Variants in SPON1 observed in about 807,000 individuals in gnomAD.
The protein encoded by SPON1 is spondin-1.
SPON1 carries 52 observed loss-of-function variants against 111.7 expected under a neutral mutation model. The observed-to-expected ratio is 0.47, with a 90% CI of 0.37 to 0.59. The LOEUF (loss-of-function observed/expected upper bound fraction) is 0.59. Among genes scored for constraint, SPON1 ranks in the 20% least tolerant of loss-of-function variants. SPON1 has a pLI of 0.00. For synonymous variants in SPON1, 410 were observed against 395.8 expected, an observed-to-expected ratio of 1.04 and a Z score of -0.43; for missense variants, 957 against 1,068.5, an observed-to-expected ratio of 0.90 and a Z score of 1.46.
intron 2 of SPON1, among the ~76,000 whole-genome samples, chr11:13,988,349 CTGTT>C (rs1198346774): frequency 4.6e-5 from 7 of 152,090 alleles, no homozygotes; most frequent in African/African-American, 1.4e-4. Context: ...ATTTGGCTCT[CTGTT>C]TGTCTGTTAT....
rs782021061 is a variant in SPON1 at position 14,074,564 on chromosome 11, C to T, written c.480-781C>T. On this transcript the variant is annotated intron_variant, in intron 3 of 15. Coordinates refer to ENST00000576479, the MANE Select transcript of SPON1 (RefSeq NM_006108.4). Reference sequence around the variant, plus strand: ...CAGTAGAAGTGGTCCAAGATCCTTTCGCATTGTCTCAGTTCTAAATGTTGT... The same window carrying T: ...CAGTAGAAGTGGTCCAAGATCCTTTTGCATTGTCTCAGTTCTAAATGTTGT... Among the ~76,000 whole-genome samples, 15 of 152,304 alleles carry T rather than the reference C, an allele frequency of 9.8e-5. No individual in the cohort carries two copies. The South Asian group carries it at 1.0e-3, about 11-fold the overall frequency.
At chr11:14,000,179 C>T (rs1450790370) in intron 2 of SPON1, among the ~76,000 whole-genome samples, 1 of 152,114 alleles carries the variant, frequency 6.6e-6, no homozygotes, top group Non-Finnish European at 1.5e-5. Flanking sequence ...GTCTGTCTCC[C>T]TAGGCATGGA....
intron 2 of SPON1, among the ~76,000 whole-genome samples, chr11:14,040,840 C>G (rs1188167406): frequency 1.1e-4 from 16 of 151,992 alleles, no homozygotes; most frequent in Non-Finnish European, 1.0e-4. Context: ...AAGATCCTTT[C>G]AGGTCTAATA....
At chr11:14,042,819 T>G (rs782684930) in intron 3 of SPON1, among the ~76,000 whole-genome samples, 1 of 152,218 alleles carries the variant, frequency 6.6e-6, no homozygotes, top group African/African-American at 2.4e-5. Context: ...TCCACTGTGC[T>G]TGGCTTATGG....
intron 15 of SPON1, among the ~76,000 whole-genome samples, chr11:14,264,927 A>G (rs937210695): frequency 8.5e-5 from 13 of 152,180 alleles, no homozygotes; most frequent in Non-Finnish European, 1.0e-4. Context: ...GCATAAGAGA[A>G]AGTGGTTTAG....
chr11:13,963,011 A>G lies in SPON1; in HGVS notation c.107A>G (p.Lys36Arg), dbSNP rs376796504. 1 of 1,593,200 alleles carries G rather than the reference A, an allele frequency of 6.3e-7. No homozygotes were observed. Among genetic ancestry groups the G allele is most frequent in the Admixed American group, 1.7e-5 (1 of 57,970 alleles). Residue 36 changes from lysine (K) to arginine (R), a missense_variant, in exon 1 of 16, where the codon AAA becomes AGA. Physicochemically the swap from Lys to Arg is conservative, Grantham distance 26. Transcript: ENST00000576479. ...ALAFSDETLD[K>R]VPKSEGYCSR... ...GCCTTCTCCGACGAGACCCTGGACAAAGTGCCCAAGTCAGAGGGCTACTGC... is the reference window on the plus strand; with the variant it reads ...GCCTTCTCCGACGAGACCCTGGACAGAGTGCCCAAGTCAGAGGGCTACTGC...
chr11:14,106,242 C>T (rs1252561534), intron 5 of SPON1, among the ~76,000 whole-genome samples: 1 of 152,080 alleles, frequency 6.6e-6, no homozygotes, highest in African/African-American at 2.4e-5. Context: ...GCTGTGATTC[C>T]AAGAAATGCA....
intron 2 of SPON1, among the ~76,000 whole-genome samples, chr11:13,994,856 G>A (rs1180743805): frequency 6.6e-6 from 1 of 152,122 alleles, no homozygotes; most frequent in African/African-American, 2.4e-5. Flanking sequence ...ACAGGATTTT[G>A]ATTTTCTTAT....
intron 7 of SPON1, 91 bp from the exon 8 acceptor site, chr11:14,254,437 C>A: frequency 8.5e-7 from 1 of 1,173,194 alleles, no homozygotes. Flanking sequence ...CTCTCTGTCC[C>A]TCTCATTCTT....
intron 6 of SPON1, among the ~76,000 whole-genome samples, chr11:14,178,045 A>ACACACACACAC (rs1848197407): frequency 1.5e-4 from 21 of 142,702 alleles, no homozygotes; most frequent in Admixed American, 8.4e-4. Flanking sequence ...CACACACACA[A>ACACACACACAC]ACACACACAC....
chr11:13,975,510 A>G (rs1848096025), intron 1 of SPON1, among the ~76,000 whole-genome samples: 1 of 152,224 alleles, frequency 6.6e-6, no homozygotes, highest in African/African-American at 2.4e-5. Flanking sequence ...TGGAGAGTAC[A>G]GGTTATTAGG....
chr11:14,204,753 C>T (rs1250323824), intron 6 of SPON1, among the ~76,000 whole-genome samples: 2 of 151,892 alleles, frequency 1.3e-5, no homozygotes, highest in Non-Finnish European at 2.9e-5. Flanking sequence ...GGCGCAGTCT[C>T]GGCTTACTGC....
chr11:14,225,167 C>T (rs1848723627), intron 6 of SPON1, among the ~76,000 whole-genome samples: 1 of 152,076 alleles, frequency 6.6e-6, no homozygotes, highest in Admixed American at 6.5e-5. Context: ...TAAGCTGCTT[C>T]GTTGAGTCCA....
chr11:14,017,123 A>T (rs1336882053), intron 2 of SPON1, among the ~76,000 whole-genome samples: 1 of 152,150 alleles, frequency 6.6e-6, no homozygotes, highest in African/African-American at 2.4e-5. Context: ...GAGAAATTTA[A>T]TTTTACTCTC....
chr11:14,017,038 G>A (rs782418645), intron 2 of SPON1, among the ~76,000 whole-genome samples: 2 of 152,186 alleles, frequency 1.3e-5, no homozygotes, highest in Non-Finnish European at 2.9e-5. Flanking sequence ...ACTTTTGTAT[G>A]TTCCAGGGCT....
At chr11:14,014,982 G>A (rs1273276573) in intron 2 of SPON1, among the ~76,000 whole-genome samples, 6 of 152,172 alleles carry the variant, frequency 3.9e-5, no homozygotes, top group African/African-American at 7.2e-5. Context: ...GTCTGTGCAC[G>A]TACACACACA....
intron 6 of SPON1, among the ~76,000 whole-genome samples, chr11:14,174,721 T>G (rs868978180): frequency 4.8e-4 from 73 of 152,112 alleles, no homozygotes; most frequent in African/African-American, 1.7e-3. Context: ...AGAAAAAACC[T>G]TTTTCCAGAA....
intron 6 of SPON1, among the ~76,000 whole-genome samples, chr11:14,223,287 C>T (rs1848700904): frequency 6.6e-6 from 1 of 152,108 alleles, no homozygotes; most frequent in South Asian, 2.1e-4. Flanking sequence ...TTGCTTAAAC[C>T]CAGAAGGCGG....
intron 2 of SPON1, among the ~76,000 whole-genome samples, chr11:14,022,539 G>T (rs1848488418): frequency 6.6e-6 from 1 of 152,194 alleles, no homozygotes; most frequent in Non-Finnish European, 1.5e-5. Flanking sequence ...CATTAGTACA[G>T]TCGTGTGGTC....
Sources: allele counts gnomAD v4.1 joint callset (sites outside exome capture counted in the v4.1 genomes callset), GRCh38; gene constraint gnomAD v4.1.1; transcripts MANE v1.5; gene names NCBI Gene and HGNC (gene_info 2026-07-23, HGNC 2026-07-21).